RSRC1: variants seen among roughly 807,000 people sequenced by gnomAD.
The protein encoded by RSRC1 is arginine and serine rich coiled-coil 1.
A neutral mutation model predicts 49.1 loss-of-function variants in RSRC1; 39 were observed. The observed-to-expected ratio is 0.79, with a 90% CI of 0.61 to 1.04. The LOEUF (loss-of-function observed/expected upper bound fraction) is 1.04. Ranked by LOEUF, RSRC1 falls within the 50% of genes least tolerant of loss-of-function variation. The pLI, the probability that RSRC1 is intolerant of heterozygous loss-of-function variation, is 0.00. For synonymous variants in RSRC1, 143 were observed against 130.8 expected, an observed-to-expected ratio of 1.09 and a Z score of -0.63; for missense variants, 388 against 402.4, an observed-to-expected ratio of 0.96 and a Z score of 0.31.
At chr3:158,180,419 CGTGTGTGTGTGTGT>C (rs374155981) in intron 3 of RSRC1, among the ~76,000 whole-genome samples, 1 of 40,776 alleles carries the variant, frequency 2.5e-5, no homozygotes, top group Non-Finnish European at 3.9e-5. Flanking sequence ...TTTTTTTTGC[CGTGTGTGTGTGTGT>C]GTGTGTGTGT....
chr3:158,205,667 C>G (rs1721307068), intron 4 of RSRC1, among the ~76,000 whole-genome samples: 1 of 152,034 alleles, frequency 6.6e-6, no homozygotes, highest in African/African-American at 2.4e-5. Context: ...GTAACGAAAC[C>G]TAACTAAGAG....
At chr3:158,238,448 G>A (rs1398788448) in intron 4 of RSRC1, among the ~76,000 whole-genome samples, 9 of 152,122 alleles carry the variant, frequency 5.9e-5, no homozygotes, top group African/African-American at 9.7e-5. Flanking sequence ...GAGGCATCAT[G>A]CTACCTGACT....
At chr3:158,292,901 A>G (rs1358006860) in intron 4 of RSRC1, among the ~76,000 whole-genome samples, 1 of 152,178 alleles carries the variant, frequency 6.6e-6, no homozygotes, top group Non-Finnish European at 1.5e-5. Context: ...AAGTTGGATT[A>G]TTACTCAAGC....
chr3:158,174,901 T>G (rs138987758), intron 3 of RSRC1, among the ~76,000 whole-genome samples: 46 of 152,226 alleles, frequency 3.0e-4, no homozygotes, highest in African/African-American at 1.1e-3. Flanking sequence ...AATATGTGTA[T>G]GTCCAACTTG....
rs558990018 is a variant in RSRC1, at chr3:158,412,941, A to T, written c.584-47994A>T. On this transcript the variant is annotated intron_variant, in intron 6 of 9. Coordinates refer to ENST00000611884, the MANE Select transcript of RSRC1 (RefSeq NM_001271838.2). Reference sequence around the variant, plus strand: ...CAAGGTAATTTATAGATTCAATTCTATTCCCATTAAACTACCATTGACATT... The same window carrying T: ...CAAGGTAATTTATAGATTCAATTCTTTTCCCATTAAACTACCATTGACATT... 1.8e-3 allele frequency among the ~76,000 whole-genome samples: 267 copies of T among 152,330 alleles called. 3 individuals are homozygous for T. The highest frequency in any genetic ancestry group is 5.4e-3 in the South Asian group (26 of 4,834).
At chr3:158,335,701 T>A (rs1409543018) in intron 5 of RSRC1, among the ~76,000 whole-genome samples, 1 of 152,176 alleles carries the variant, frequency 6.6e-6, no homozygotes, top group Non-Finnish European at 1.5e-5. Context: ...AATGGCCAGA[T>A]TTAGGATTTA....
chr3:158,319,053 T>C (rs936491102), intron 5 of RSRC1, among the ~76,000 whole-genome samples: 1 of 152,130 alleles, frequency 6.6e-6, no homozygotes, highest in African/African-American at 2.4e-5. Flanking sequence ...CTACTTTAAC[T>C]TAGTCTTTCC....
chr3:158,211,390 G>A (rs567525666), intron 4 of RSRC1, among the ~76,000 whole-genome samples: 4 of 151,858 alleles, frequency 2.6e-5, no homozygotes, highest in Admixed American at 2.0e-4. Context: ...TAAGTGAGAC[G>A]TTACAAGTAG....
chr3:158,309,968 AC>A (rs1728040681), intron 5 of RSRC1, among the ~76,000 whole-genome samples: 1 of 151,712 alleles, frequency 6.6e-6, no homozygotes, highest in Non-Finnish European at 1.5e-5. Flanking sequence ...TTTTAAGGTA[AC>A]CTTGAGAAAG....
intron 4 of RSRC1, among the ~76,000 whole-genome samples, chr3:158,230,925 A>T (rs1360134918): frequency 6.6e-6 from 1 of 152,130 alleles, no homozygotes; most frequent in African/African-American, 2.4e-5. Context: ...GATGAGAAGG[A>T]CTGTCACACG....
Position 158,198,704 on chromosome 3 carries a change from G to A in RSRC1, c.321-4368G>A, listed in dbSNP as rs145429149. Among the ~76,000 whole-genome samples, 4 of 152,208 alleles carry A rather than the reference G, an allele frequency of 2.6e-5. No homozygotes were observed. In the East Asian group the frequency reaches 7.7e-4, roughly 29 times the overall value. On this transcript the variant is annotated intron_variant, in intron 3 of 9. Transcript: ENST00000611884. ...ACTGTCCGACACTCCCCAGTGAGATGAACTTGGTACCTCAGTTGGAAATGC... is the reference window on the plus strand; with the variant it reads ...ACTGTCCGACACTCCCCAGTGAGATAAACTTGGTACCTCAGTTGGAAATGC...
chr3:158,450,646 T>C (rs1378018736), intron 6 of RSRC1, among the ~76,000 whole-genome samples: 1 of 151,880 alleles, frequency 6.6e-6, no homozygotes, highest in African/African-American at 2.4e-5. Context: ...TTTTATAGTC[T>C]TTATATATGC....
chr3:158,280,941 C>G (rs1726117628), intron 4 of RSRC1, among the ~76,000 whole-genome samples: 1 of 152,138 alleles, frequency 6.6e-6, no homozygotes, highest in South Asian at 2.1e-4. Flanking sequence ...GCCACCGCGC[C>G]TGGCCCAAAG....
intron 4 of RSRC1, among the ~76,000 whole-genome samples, chr3:158,281,607 C>T (rs1028650936): frequency 1.4e-4 from 22 of 151,776 alleles, no homozygotes; most frequent in Non-Finnish European, 4.4e-5. Context: ...AAAACCTGAA[C>T]GATATAATAT....
intron 6 of RSRC1, among the ~76,000 whole-genome samples, chr3:158,360,387 G>A (rs1731398811): frequency 6.6e-6 from 1 of 152,144 alleles, no homozygotes; most frequent in Admixed American, 6.5e-5. Flanking sequence ...CGGTCCATAG[G>A]ACTGGCAGCC....
intron 5 of RSRC1, among the ~76,000 whole-genome samples, chr3:158,320,004 AG>A (rs1728673455): frequency 6.6e-6 from 1 of 152,182 alleles, no homozygotes; most frequent in Non-Finnish European, 1.5e-5. Flanking sequence ...CAACTATAGG[AG>A]GAGATTTACT....
At chr3:158,251,413 G>A (rs138043233) in intron 4 of RSRC1, among the ~76,000 whole-genome samples, 20,927 of 151,814 alleles carry the variant, frequency 0.14, 1,579 homozygotes, top group Middle Eastern at 0.21. Context: ...TGGGTAGTAT[G>A]GACATTTTAA....
intron 4 of RSRC1, among the ~76,000 whole-genome samples, chr3:158,230,230 T>C (rs1315863948): frequency 6.6e-6 from 1 of 152,104 alleles, no homozygotes; most frequent in Admixed American, 6.6e-5. Flanking sequence ...TCTTTCTTTC[T>C]TTTTTGCCAG....
chr3:158,473,557 A>G (rs1007381320), intron 7 of RSRC1, among the ~76,000 whole-genome samples: 7 of 151,830 alleles, frequency 4.6e-5, no homozygotes, highest in African/African-American at 1.7e-4. Flanking sequence ...AGATATACCT[A>G]ATGTAAATGA....
Sources: gnomAD v4.1 joint callset for allele counts (sites outside exome capture counted in the v4.1 genomes callset) on GRCh38, gnomAD v4.1.1 for gene constraint, MANE v1.5 for transcripts, NCBI Gene and HGNC (gene_info 2026-07-23, HGNC 2026-07-21) for gene names.